Variants in GRIN3A observed in about 807,000 individuals in gnomAD.
GRIN3A encodes glutamate receptor ionotropic, NMDA 3A.
Under a neutral mutation model 92.4 loss-of-function variants are expected in GRIN3A, and 47 were observed. The observed-to-expected ratio is 0.51, with a 90% CI of 0.40 to 0.65. GRIN3A has a LOEUF of 0.65. Among genes scored for constraint, GRIN3A ranks in the 30% least tolerant of loss-of-function variants. GRIN3A has a pLI of 0.00. For synonymous variants in GRIN3A, 527 were observed against 540.6 expected (o/e 0.97, Z 0.35); for missense variants, 1,324 against 1,393.1 (o/e 0.95, Z 0.79).
At chr9:101,608,515 C>A (rs1205424855) in intron 6 of GRIN3A, among the ~76,000 whole-genome samples, 1 of 151,942 alleles carries the variant, frequency 6.6e-6, no homozygotes, top group Non-Finnish European at 1.5e-5. Context: ...TTGGTCTATA[C>A]TTGATTTTGT....
rs185514116 is a variant in GRIN3A at position 101,630,354 on chromosome 9, G to C, written c.2353-1953C>G. Among the ~76,000 whole-genome samples the C allele has an allele frequency of 1.5e-3, 235 of 152,254 alleles. 2 individuals carry two copies. Among genetic ancestry groups the C allele is most frequent in the African/African-American group, 5.3e-3 (221 of 41,562 alleles). ...GAGAAACATAACTACTTATTTATCT[G>C]TGCTGATATAGTAGCTTGTACATAT... On this transcript the variant is annotated intron_variant, in intron 3 of 8. Transcript: ENST00000361820.
chr9:101,655,365 T>C (rs1446345896), intron 3 of GRIN3A, among the ~76,000 whole-genome samples: 1 of 151,954 alleles, frequency 6.6e-6, no homozygotes, highest in Non-Finnish European at 1.5e-5. Context: ...GATATTCAGC[T>C]CCTTGAAAGT....
chr9:101,579,972 T>A (rs1355341795), intron 6 of GRIN3A, among the ~76,000 whole-genome samples: 2 of 152,186 alleles, frequency 1.3e-5, no homozygotes, highest in African/African-American at 4.8e-5. Flanking sequence ...AGGGTTTTCA[T>A]GTCCTCTGCT....
At position 101,628,033 on chromosome 9, in the gene GRIN3A, C is replaced by T. The variant is rs529344469; in HGVS notation, c.2498+223G>A. Among the ~76,000 whole-genome samples, 8 of 152,330 alleles carry T rather than the reference C, an allele frequency of 5.3e-5. No homozygotes were observed. In the South Asian group the frequency reaches 1.7e-3, roughly 32 times the overall value. On this transcript the variant is annotated intron_variant, in intron 4 of 8. Coordinates refer to ENST00000361820, the MANE Select transcript of GRIN3A (RefSeq NM_133445.3). ...CCCACTGACTCTTTGAACAAAGCTA[C>T]TACCAACTTGAGACTATGCAGGTCA...
chr9:101,705,339 A>C (rs541377770), intron 1 of GRIN3A, among the ~76,000 whole-genome samples: 3 of 152,112 alleles, frequency 2.0e-5, no homozygotes, highest in Non-Finnish European at 2.9e-5. Context: ...GAGGTGTCTG[A>C]ACCAAGCCGA....
chr9:101,658,952 C>G (rs1399045760), intron 3 of GRIN3A, among the ~76,000 whole-genome samples: 1 of 151,760 alleles, frequency 6.6e-6, no homozygotes, highest in African/African-American at 2.4e-5. Context: ...AGCTTCTGAT[C>G]TGATTAGGGA....
chr9:101,701,684 C>T (rs918230685), intron 1 of GRIN3A, among the ~76,000 whole-genome samples: 7 of 152,098 alleles, frequency 4.6e-5, no homozygotes, highest in Admixed American at 3.9e-4. Flanking sequence ...GCAACGAAAG[C>T]AAAAATTGAC....
chr9:101,649,456 G>A (rs1564135222), intron 3 of GRIN3A, among the ~76,000 whole-genome samples: 3 of 151,974 alleles, frequency 2.0e-5, no homozygotes, highest in Non-Finnish European at 2.9e-5. Context: ...CATGAGACAG[G>A]GCAAGAGTGG....
In GRIN3A at chr9:101,667,388, A is replaced by T. The variant is rs1829253281; in HGVS notation, c.2352+2672T>A. Among the ~76,000 whole-genome samples the T allele has an allele frequency of 5.9e-5, 9 of 152,062 alleles. No individual in the cohort carries two copies. In the South Asian group the frequency reaches 1.9e-3, roughly 32 times the overall value. On this transcript the variant is annotated intron_variant, in intron 3 of 8. Coordinates refer to ENST00000361820, the MANE Select transcript of GRIN3A (RefSeq NM_133445.3). ...CTATTCTTTAAGAATAGGCACAAATATTACCTTATTAATTAAACTTTCTTC... is the reference window on the plus strand; with the variant it reads ...CTATTCTTTAAGAATAGGCACAAATTTTACCTTATTAATTAAACTTTCTTC...
At chr9:101,702,657 C>T (rs1829770547) in intron 1 of GRIN3A, among the ~76,000 whole-genome samples, 1 of 152,170 alleles carries the variant, frequency 6.6e-6, no homozygotes, top group Non-Finnish European at 1.5e-5. Context: ...ACCCCTTATT[C>T]TTCAATACAG....
chr9:101,573,425 C>A lies in GRIN3A; in HGVS notation c.3097G>T (p.Glu1033Ter), dbSNP rs780499886. 10 of 1,614,024 alleles carry A rather than the reference C, an allele frequency of 6.2e-6. No individual in the cohort carries two copies. The highest frequency in any genetic ancestry group is 8.5e-6 in the Non-Finnish European group (10 of 1,179,964). The stretch of plus-strand genomic sequence containing the variant: ...CGGATGCCCAGCTGGTTTTGTCCTT[C>A]CTCATCACTAAAGATGTATTTCCGT... ...NRRKYIFSDE[E>*]GQNQLGIRIH... Residue 1033 changes from glutamate (E) to a stop codon, truncating the protein, a stop_gained, in exon 9 of 9, where the codon GAA (glutamate) becomes TAA (stop). Transcript: ENST00000361820. LOFTEE classifies it high-confidence loss of function.
chr9:101,641,798 A>G (rs890328786), intron 3 of GRIN3A, among the ~76,000 whole-genome samples: 11 of 152,030 alleles, frequency 7.2e-5, no homozygotes, highest in Non-Finnish European at 1.2e-4. Flanking sequence ...AAATTAAAAA[A>G]AAAAACGAAA....
rs190323493 is a variant in GRIN3A, at chr9:101,624,203, T to A, written c.2499-770A>T. ...ATGGAAATGGACTATCATTCCTTTTTTAAAAATTTTTTTTATTTTTTTATT... is the reference window on the plus strand; with the variant it reads ...ATGGAAATGGACTATCATTCCTTTTATAAAAATTTTTTTTATTTTTTTATT... On this transcript the variant is annotated intron_variant, in intron 4 of 8. Transcript: ENST00000361820. Among the ~76,000 whole-genome samples, 859 of 152,090 alleles carry A rather than the reference T, an allele frequency of 5.6e-3. 8 individuals carry two copies. Among genetic ancestry groups the A allele is most frequent in the African/African-American group, 0.02 (828 of 41,500 alleles).
chr9:101,730,372 G>C (rs1830123654), intron 1 of GRIN3A, among the ~76,000 whole-genome samples: 1 of 152,050 alleles, frequency 6.6e-6, no homozygotes, highest in South Asian at 2.1e-4. Flanking sequence ...TATGAATCTT[G>C]CCACGTCAAC....
At chr9:101,585,105 A>G (rs1173646389) in intron 6 of GRIN3A, among the ~76,000 whole-genome samples, 1 of 152,056 alleles carries the variant, frequency 6.6e-6, no homozygotes, top group Non-Finnish European at 1.5e-5. Context: ...GTCCCCTCCC[A>G]TCACCTGTCA....
intron 1 of GRIN3A, among the ~76,000 whole-genome samples, chr9:101,723,929 T>C (rs1449490455): frequency 6.6e-6 from 1 of 152,096 alleles, no homozygotes; most frequent in Non-Finnish European, 1.5e-5. Flanking sequence ...ATACAGAGTG[T>C]CCATTGGTGC....
Position 101,670,360 on chromosome 9 carries a change from A to T in GRIN3A, c.2052T>A (p.Ala684=). ...HWTMWLGIFV[A]LHITAVFLTL... ...TGAGGAAGACGGCAGTGATGTGCAG[A>T]GCCACAAAAATCCCCAGCCACATTG... is the stretch of plus-strand genomic sequence containing the variant. Residue 684 remains alanine, a synonymous_variant, in exon 3 of 9, where the codon GCT becomes GCA. Transcript: ENST00000361820. 6.2e-7 allele frequency: 1 copy of T among 1,614,038 alleles called. No homozygotes were observed. The highest frequency in any genetic ancestry group is 1.3e-5 in the African/African-American group (1 of 75,050).
chr9:101,582,132 T>C (rs1827894502), intron 6 of GRIN3A, among the ~76,000 whole-genome samples: 1 of 152,186 alleles, frequency 6.6e-6, no homozygotes, highest in Admixed American at 6.5e-5. Flanking sequence ...TTTAAAGGTT[T>C]TCCTTTCATT....
At chr9:101,623,225 C>T in intron 5 of GRIN3A, 93 bp downstream of exon 5, 1 of 815,302 alleles carries the variant, frequency 1.2e-6, no homozygotes, top group East Asian at 2.4e-5. Context: ...AGATGAATAG[C>T]TCTTTGCTTC....
Sources: gnomAD v4.1 joint callset for allele counts (sites outside exome capture counted in the v4.1 genomes callset) on GRCh38, gnomAD v4.1.1 for gene constraint, MANE v1.5 for transcripts, NCBI Gene and HGNC (gene_info 2026-07-23, HGNC 2026-07-21) for gene names.